NCF4: variants seen among roughly 807,000 people sequenced by gnomAD.
The protein encoded by NCF4 is neutrophil cytosol factor 4.
A neutral mutation model predicts 41.7 loss-of-function variants in NCF4; 30 were observed. The observed-to-expected ratio is 0.72, with a 90% CI of 0.54 to 0.97. The LOEUF (loss-of-function observed/expected upper bound fraction) is 0.97. Ranked by LOEUF, NCF4 falls within the 50% of genes least tolerant of loss-of-function variation. NCF4 has a pLI of 0.00. For missense variants in NCF4, 432 were observed against 460.9 expected (o/e 0.94, Z 0.57); for synonymous variants, 195 against 175.8 (o/e 1.11, Z -0.87).
At chr22:36,864,799 C>A (rs1413923268) in intron 2 of NCF4, 120 bp from the exon 3 acceptor site, 2 of 1,241,226 alleles carry the variant, frequency 1.6e-6, no homozygotes, top group African/African-American at 1.5e-5. Flanking sequence ...TCTCCAGAGA[C>A]CCTTCTGCAT....
At chr22:36,862,063 G>A (rs558581188) in intron 1 of NCF4, among the ~76,000 whole-genome samples, 9 of 152,308 alleles carry the variant, frequency 5.9e-5, no homozygotes, top group African/African-American at 1.9e-4. Flanking sequence ...TAGCCTCGTC[G>A]CTTGGGAAGC....
intron 4 of NCF4, among the ~76,000 whole-genome samples, chr22:36,868,563 G>A (rs1424470193): frequency 1.3e-5 from 2 of 152,058 alleles, no homozygotes; most frequent in Non-Finnish European, 1.5e-5. Flanking sequence ...GAGCAGGGAA[G>A]AGGGAGGGAG....
intron 8 of NCF4, 28 bp downstream of exon 8, chr22:36,875,811 T>C (rs1262684624): frequency 1.9e-6 from 3 of 1,614,128 alleles, no homozygotes; most frequent in Non-Finnish European, 2.5e-6. Flanking sequence ...GAGGGGCCTG[T>C]CCAGCCTTCC....
In NCF4 at chr22:36,876,083, G is replaced by A. The variant is rs144124883; in HGVS notation, c.813G>A (p.Leu271=). ...GCACTCCCCTATTGAAAGACCTGCTGGAGCTCACAAGGTGAGGGGCTGGGA... is the reference window on the plus strand; with the variant it reads ...GCACTCCCCTATTGAAAGACCTGCTAGAGCTCACAAGGTGAGGGGCTGGGA... The part of the protein sequence containing the change: ...LSSTPLLKDL[L]ELTRREFQRE... The change falls in exon 9 of 10, where the codon CTG becomes CTA. Residue 271 remains leucine (L), a synonymous_variant. Coordinates refer to ENST00000248899, the MANE Select transcript of NCF4 (RefSeq NM_000631.5). 9.9e-6 allele frequency: 16 copies of A among 1,608,462 alleles called. No homozygotes were observed. In the African/African-American group the frequency reaches 1.3e-4, roughly 13 times the overall value.
At position 36,867,411 on chromosome 22, in the gene NCF4, G is replaced by A. The variant is rs1480761109; in HGVS notation, c.291G>A (p.Val97=). ...PTLPAKVYVG[V]KQEIAEMRIP... ...TCTCAGCCAAAGTCTACGTGGGTGT[G>A]AAACAGGAGATCGCCGAGATGCGGA... Residue 97 remains valine (V), a synonymous_variant, in exon 4 of 10, where the codon GTG becomes GTA. Transcript: ENST00000248899. 2.5e-6 allele frequency: 4 copies of A among 1,614,084 alleles called. 1 individual carries two copies. The Admixed American group carries it at 6.7e-5, about 27-fold the overall frequency.
In NCF4 at chr22:36,865,162, C is replaced by G. The variant is rs1939898335; in HGVS notation, c.271+90C>G. 1.9e-6 allele frequency: 3 copies of G among 1,553,232 alleles called. No individual in the cohort carries two copies. Among genetic ancestry groups the G allele is most frequent in the Admixed American group, 1.7e-5 (1 of 57,640 alleles). On this transcript the variant is annotated intron_variant, in intron 3 of 9. Transcript: ENST00000248899. This position sits in a 1 kb window ranked among gnomAD's most constrained non-coding sequence, Gnocchi z 4.3. ...ACACTGTTCTGTGATTTGATCTCAA[C>G]CCCAGTGAAAACTGTTCATGTAGTT...
At chr22:36,874,387 T>A (rs1171157636) in intron 7 of NCF4, among the ~76,000 whole-genome samples, 1 of 152,178 alleles carries the variant, frequency 6.6e-6, no homozygotes, top group Non-Finnish European at 1.5e-5. Context: ...CCAGGACCTT[T>A]AAGAGTTGGG....
chr22:36,867,590 C>T, intron 4 of NCF4, 128 bp downstream of exon 4: 4 of 985,152 alleles, frequency 4.1e-6, no homozygotes, highest in Non-Finnish European at 6.4e-6. Context: ...GCCCCATCTT[C>T]AATCCCTAAA....
intron 7 of NCF4, among the ~76,000 whole-genome samples, chr22:36,874,847 T>A (rs371675315): frequency 6.6e-6 from 1 of 151,994 alleles, no homozygotes; most frequent in African/African-American, 2.4e-5. Flanking sequence ...AATGAGTGAG[T>A]GAGCGGGATC....
In NCF4 at chr22:36,869,659, C is replaced by T. The variant is rs761901139; in HGVS notation, c.343-756C>T. Among the ~76,000 whole-genome samples the T allele has an allele frequency of 2.6e-4, 39 of 152,222 alleles. No homozygotes were observed. In the Middle Eastern group the frequency reaches 0.01, roughly 40 times the overall value. ...CGCTTGGAGTTTGGTGAGATGACCC[C>T]GCCAGGCTCTGGGTGCTCGCGTCCT... is the stretch of plus-strand genomic sequence containing the variant. On this transcript the variant is annotated intron_variant, in intron 4 of 9. Coordinates refer to ENST00000248899, the MANE Select transcript of NCF4 (RefSeq NM_000631.5).
chr22:36,874,395 G>A (rs1009924287), intron 7 of NCF4, among the ~76,000 whole-genome samples: 1 of 152,208 alleles, frequency 6.6e-6, no homozygotes, highest in Non-Finnish European at 1.5e-5. Flanking sequence ...TTTAAGAGTT[G>A]GGTTGGGTCC....
intron 1 of NCF4, 50 bp downstream of exon 1, chr22:36,861,253 G>A: frequency 5.2e-6 from 8 of 1,546,200 alleles, no homozygotes; most frequent in Non-Finnish European, 7.0e-6. Context: ...GCTCCTCATA[G>A]GCCTTAGGGA....
Position 36,861,224 on chromosome 22 carries a change from G to A in NCF4, c.32+21G>A, listed in dbSNP as rs369248306. ...GAGAGGTGAGTGCCGGGGTGTGGCC[G>A]CCCCCGGGCCTTCTCACTGCTCCTC... On this transcript the variant is annotated intron_variant, in intron 1 of 9. Coordinates refer to ENST00000248899, the MANE Select transcript of NCF4 (RefSeq NM_000631.5). The A allele has an allele frequency of 9.5e-5, 148 of 1,551,162 alleles. 1 individual carries two copies. Among genetic ancestry groups the A allele is most frequent in the Non-Finnish European group, 1.2e-4 (139 of 1,146,690 alleles).
intron 5 of NCF4, 93 bp from the exon 6 acceptor site, chr22:36,871,559 T>A: frequency 7.2e-7 from 1 of 1,398,464 alleles, no homozygotes; most frequent in Non-Finnish European, 9.9e-7. Context: ...CTGCCTTCCC[T>A]GCTCCTTGCA....
intron 1 of NCF4, among the ~76,000 whole-genome samples, chr22:36,861,746 G>A (rs981012213): frequency 2.0e-5 from 3 of 151,974 alleles, no homozygotes; most frequent in Non-Finnish European, 2.9e-5. Context: ...TTTCTTGAAC[G>A]TTGGCTCCCC....
intron 4 of NCF4, among the ~76,000 whole-genome samples, chr22:36,869,877 C>A (rs1369701934): frequency 6.6e-6 from 1 of 152,152 alleles, no homozygotes; most frequent in African/African-American, 2.4e-5. Flanking sequence ...TATAATGCCA[C>A]CAACTGTTGT....
rs368863802 is a variant in NCF4, at chr22:36,870,444, G to A, written c.372G>A (p.Leu124=). 1.9e-6 allele frequency: 3 copies of A among 1,613,880 alleles called. No homozygotes were observed. The highest frequency in any genetic ancestry group is 1.3e-5 in the African/African-American group (1 of 74,918). Residue 124 remains leucine, a synonymous_variant, in exon 5 of 10, where the codon CTG becomes CTA. Coordinates refer to ENST00000248899, the MANE Select transcript of NCF4 (RefSeq NM_000631.5). The stretch of plus-strand genomic sequence containing the variant: ...TGCTCAGCCTGCCGGTCTGGGTGCT[G>A]ATGGATGAGGACGTCCGGATCTTCT... The part of the protein sequence containing the change: ...KSLLSLPVWV[L]MDEDVRIFFY...
intron 5 of NCF4, among the ~76,000 whole-genome samples, chr22:36,870,850 G>A (rs1940039760): frequency 2.0e-5 from 3 of 152,292 alleles, no homozygotes; most frequent in African/African-American, 7.2e-5. Flanking sequence ...AAAGAATTGG[G>A]GGCAGAGAGG....
intron 4 of NCF4, among the ~76,000 whole-genome samples, chr22:36,867,729 G>C (rs972838940): frequency 6.6e-6 from 1 of 152,200 alleles, no homozygotes; most frequent in Non-Finnish European, 1.5e-5. Flanking sequence ...AGCCCCACAG[G>C]TGAATGTCTA....
Sources: gnomAD v4.1 joint callset for allele counts (sites outside exome capture counted in the v4.1 genomes callset) on GRCh38, gnomAD v4.1.1 for gene constraint, Gnocchi (gnomAD v3.1) non-coding constraint, MANE v1.5 for transcripts, NCBI Gene and HGNC (gene_info 2026-07-23, HGNC 2026-07-21) for gene names.